The following PACRG variants were observed in gnomAD, a reference collection of about 807,000 sequenced individuals.
The protein encoded by PACRG is parkin coregulated.
In PACRG, 29 loss-of-function variants were observed where a neutral mutation model predicts 29.7. That is an observed-to-expected ratio of 0.98 (90% CI 0.73 to 1.33). The LOEUF is 1.33. PACRG is among the 40% of genes most tolerant of loss of function. The probability of loss-of-function intolerance (pLI) is 0.00; values close to 1 mark genes in which losing one functional copy is unlikely to be tolerated. For missense variants in PACRG, 279 were observed against 316.2 expected (o/e 0.88, Z 0.89); for synonymous variants, 116 against 118.7 (o/e 0.98, Z 0.15).
intron 3 of PACRG, among the ~76,000 whole-genome samples, chr6:163,073,977 T>C (rs1812309656): frequency 6.6e-6 from 1 of 152,132 alleles, no homozygotes; most frequent in South Asian, 2.1e-4. Context: ...TTGGTGAGAA[T>C]GTACATTAAT....
Position 162,990,728 on chromosome 6 carries a change from A to C in PACRG, c.292-71422A>C, listed in dbSNP as rs920516199. ...ATGGTAGTTTCTTTTGCTGTGCAGA[A>C]GCTCTTTAGTTTAATTAGATCCCAT... On this transcript the variant is annotated intron_variant, in intron 2 of 4. Coordinates refer to ENST00000366888, the MANE Select transcript of PACRG (RefSeq NM_001080379.2). 1.2e-3 allele frequency among the ~76,000 whole-genome samples: 167 copies of C among 135,200 alleles called. 11 individuals carry two copies. Among genetic ancestry groups the C allele is most frequent in the African/African-American group, 5.5e-3 (158 of 28,778 alleles). 88.7% of individuals were successfully genotyped at this position (135,200 alleles called of 152,430 possible). A position where few individuals can be genotyped will look rare whatever the true frequency, so the allele number is the denominator to read the frequency against.
chr6:162,774,697 TG>T (rs918275536), intron 1 of PACRG, among the ~76,000 whole-genome samples: 1 of 152,244 alleles, frequency 6.6e-6, no homozygotes, highest in African/African-American at 2.4e-5. Flanking sequence ...TTATTCTTAA[TG>T]TTTTTTTCTA....
intron 1 of PACRG, among the ~76,000 whole-genome samples, chr6:162,776,666 T>C (rs1783667285): frequency 6.6e-6 from 1 of 152,116 alleles, no homozygotes; most frequent in Non-Finnish European, 1.5e-5. Flanking sequence ...AGAAGAGCAT[T>C]TGGTAGGAGC....
intron 2 of PACRG, among the ~76,000 whole-genome samples, chr6:162,946,462 C>A (rs1458140718): frequency 1.3e-5 from 2 of 151,914 alleles, no homozygotes; most frequent in African/African-American, 4.8e-5. Flanking sequence ...AAAACCTGAA[C>A]AGACTGGTAA....
At chr6:163,284,211 C>G (rs1784314770) in intron 4 of PACRG, among the ~76,000 whole-genome samples, 1 of 152,194 alleles carries the variant, frequency 6.6e-6, no homozygotes, top group Non-Finnish European at 1.5e-5. Context: ...TGTAGGTTTT[C>G]TGGAAGATTA....
chr6:163,060,702 G>A (rs935476015), intron 2 of PACRG: 1 of 152,050 alleles, frequency 6.6e-6, no homozygotes, highest in South Asian at 2.1e-4. Flanking sequence ...CTGTAGACAG[G>A]CCTGCTGCTT....
chr6:163,043,826 A>C (rs1480213651), intron 2 of PACRG, among the ~76,000 whole-genome samples: 2 of 152,198 alleles, frequency 1.3e-5, no homozygotes, highest in African/African-American at 4.8e-5. Context: ...TGCGGAGGCC[A>C]GGATTATAGG....
intron 2 of PACRG, among the ~76,000 whole-genome samples, chr6:162,983,496 C>G (rs1182551012): frequency 3.3e-5 from 5 of 151,780 alleles, no homozygotes; most frequent in Admixed American, 3.3e-4. Flanking sequence ...TCTTATAATG[C>G]TGGATTGGTA....
chr6:163,179,726 T>A (rs7738107), intron 4 of PACRG, among the ~76,000 whole-genome samples: 12,620 of 71,362 alleles, frequency 0.18, 1,396 homozygotes, highest in African/African-American at 0.33. Context: ...AAAAAAAAAA[T>A]TTTCTTACAT....
chr6:163,067,670 A>T (rs2128274611), intron 3 of PACRG, among the ~76,000 whole-genome samples: 1 of 152,338 alleles, frequency 6.6e-6, no homozygotes. Context: ...GAAATAATTC[A>T]CTAGTCACAA....
At chr6:162,901,797 C>T (rs1202053977) in intron 2 of PACRG, among the ~76,000 whole-genome samples, 2 of 152,156 alleles carry the variant, frequency 1.3e-5, no homozygotes, top group Non-Finnish European at 2.9e-5. Flanking sequence ...TAAAGATGTA[C>T]CTCCACTAAT....
At chr6:162,825,102 T>G (rs1788165830) in intron 2 of PACRG, among the ~76,000 whole-genome samples, 2 of 152,202 alleles carry the variant, frequency 1.3e-5, no homozygotes, top group Non-Finnish European at 2.9e-5. Context: ...ATAATAAATT[T>G]TACCTTTAAA....
intron 4 of PACRG, among the ~76,000 whole-genome samples, chr6:163,281,910 C>T (rs1230160530): frequency 2.6e-5 from 4 of 152,038 alleles, no homozygotes; most frequent in African/African-American, 7.2e-5. Context: ...AACAAAATCT[C>T]TTAAATGTTC....
chr6:162,893,836 T>G (rs998006126), intron 2 of PACRG, among the ~76,000 whole-genome samples: 1 of 152,162 alleles, frequency 6.6e-6, no homozygotes, highest in African/African-American at 2.4e-5. Flanking sequence ...AATGAAGTAA[T>G]CAATGGTATT....
chr6:162,821,248 C>T (rs1258177709), intron 2 of PACRG, among the ~76,000 whole-genome samples: 1 of 152,120 alleles, frequency 6.6e-6, no homozygotes, highest in Non-Finnish European at 1.5e-5. Context: ...AAACAATTTT[C>T]CCCCAAGCCT....
chr6:163,059,642 G>T (rs1265603050), intron 2 of PACRG, among the ~76,000 whole-genome samples: 3 of 152,096 alleles, frequency 2.0e-5, no homozygotes, highest in Admixed American at 2.0e-4. Flanking sequence ...CAGACTGCTT[G>T]GGCTTGAAAC....
intron 4 of PACRG, chr6:163,245,049 A>G (rs181568783): frequency 2.2e-6 from 1 of 455,692 alleles, no homozygotes; most frequent in East Asian, 6.9e-5. Flanking sequence ...GTAAAAGTCT[A>G]ATCTTCATTT....
At chr6:163,300,527 A>G (rs1784948389) in intron 4 of PACRG, among the ~76,000 whole-genome samples, 1 of 152,174 alleles carries the variant, frequency 6.6e-6, no homozygotes, top group South Asian at 2.1e-4. Context: ...AATGCTGCCA[A>G]TGCCTCTTAC....
chr6:163,102,988 G>A (rs896342960), intron 4 of PACRG, among the ~76,000 whole-genome samples: 1 of 152,160 alleles, frequency 6.6e-6, no homozygotes, highest in African/African-American at 2.4e-5. Context: ...ATTGTTCTTA[G>A]CACTTCCTGA....
Sources: allele counts gnomAD v4.1 joint callset (sites outside exome capture counted in the v4.1 genomes callset), GRCh38; gene constraint gnomAD v4.1.1; transcripts MANE v1.5; gene names NCBI Gene and HGNC (gene_info 2026-07-23, HGNC 2026-07-21).